TRIM23: variants seen among roughly 807,000 people sequenced by gnomAD.
TRIM23 encodes E3 ubiquitin-protein ligase TRIM23.
A neutral mutation model predicts 71.0 loss-of-function variants in TRIM23; 27 were observed. The observed-to-expected ratio is 0.38, with a 90% CI of 0.28 to 0.52. The LOEUF is 0.52. TRIM23 is among the 20% of genes least tolerant of loss of function. The pLI is 0.84. For synonymous variants in TRIM23, 234 were observed against 238.0 expected (o/e 0.98, Z 0.16); for missense variants, 482 against 692.3 (o/e 0.70, Z 3.41).
chr5:65,594,633 A>G lies in TRIM23; in HGVS notation c.1433T>C (p.Val478Ala). The change falls in exon 10 of 11, where the codon GTT (valine) becomes GCT (alanine). Residue 478 changes from valine to alanine, a missense_variant. Physicochemically the swap from Val to Ala is moderately conservative, Grantham distance 64. Around this residue, in one of 2 missense-constraint regions of TRIM23, gnomAD observed 307 missense variants for 495.8 expected, o/e 0.62. Transcript: ENST00000231524. The stretch of plus-strand genomic sequence containing the variant: ...TCTGTCTCTATGACTGCTATCTACA[A>G]CAAACACAACAGCTACCCAAAAAAA... ...YYLNTQAVVFVVDSSHRDRIS... is the reference protein window; with the variant it reads ...YYLNTQAVVFAVDSSHRDRIS... The G allele has an allele frequency of 6.3e-7, 1 of 1,577,960 alleles. No individual in the cohort carries two copies. The highest frequency in any genetic ancestry group is 1.2e-5 in the South Asian group (1 of 84,346).
rs550272794 is a variant in TRIM23 at position 65,596,932 on chromosome 5, A to C, written c.1309+119T>G. Reference sequence around the variant, plus strand: ...CTTGCATTTTTTCTCTGAGATGCTGATATCTTAGAGCCAGAAAAGAGCCCA... The same window carrying C: ...CTTGCATTTTTTCTCTGAGATGCTGCTATCTTAGAGCCAGAAAAGAGCCCA... On this transcript the variant is annotated intron_variant, in intron 8 of 10. Coordinates refer to ENST00000231524, the MANE Select transcript of TRIM23 (RefSeq NM_001656.4). The C allele has an allele frequency of 3.2e-6, 4 of 1,263,800 alleles. No homozygotes were observed. In the South Asian group the frequency reaches 6.3e-5, roughly 20 times the overall value. 78.3% of individuals were successfully genotyped at this position (1,263,800 alleles called of 1,614,324 possible).
chr5:65,617,390 T>C (rs2150641768), intron 2 of TRIM23, among the ~76,000 whole-genome samples: 1 of 152,246 alleles, frequency 6.6e-6, no homozygotes, highest in South Asian at 2.1e-4. Context: ...TCTTAGATAG[T>C]GCAACTGACC....
Position 65,591,089 on chromosome 5 carries a change from C to T in TRIM23, c.*680G>A. The stretch of plus-strand genomic sequence containing the variant: ...AGTTTTATTACTGTTCAGTTTATTA[C>T]TAACCTGACAAGCCTAATTGGGTAA... On this transcript the variant is annotated 3_prime_UTR_variant, in exon 11 of 11. Coordinates refer to ENST00000231524, the MANE Select transcript of TRIM23 (RefSeq NM_001656.4). The T allele has an allele frequency of 1.2e-5, 12 of 1,015,298 alleles. No individual in the cohort carries two copies. The highest frequency in any genetic ancestry group is 1.4e-5 in the Non-Finnish European group (12 of 849,914). 62.9% of individuals were successfully genotyped at this position (1,015,298 alleles called of 1,614,324 possible). A position where few individuals can be genotyped will look rare whatever the true frequency, so the allele number is the denominator to read the frequency against.
rs149733575 is a variant in TRIM23 at position 65,593,350 on chromosome 5, G to A, written c.1545+1171C>T. Among the ~76,000 whole-genome samples the A allele has an allele frequency of 3.7e-3, 564 of 152,196 alleles. 3 individuals carry two copies. Among genetic ancestry groups the A allele is most frequent in the African/African-American group, 0.013 (530 of 41,536 alleles). On this transcript the variant is annotated intron_variant, in intron 10 of 10. Coordinates refer to ENST00000231524, the MANE Select transcript of TRIM23 (RefSeq NM_001656.4). ...CTTGGGAGGCTGAGGCAGAAGAATC[G>A]CTTGAACCTAGGAGGGGGAGGTTGC...
rs1196401449 is a variant in TRIM23 at position 65,591,640 on chromosome 5, TTCCTTTATATATATATATATATATATGCA to T, written c.*100_*128del. On this transcript the variant is annotated 3_prime_UTR_variant, in exon 11 of 11. Transcript: ENST00000231524. Reference sequence around the variant, plus strand: ...AAAGTACTGAATTCCCAATCCAAGATTCCTTTATATATATATATATATATATGCATCCTAAATTACCATCTTTTGAGATG... The same window carrying T: ...AAAGTACTGAATTCCCAATCCAAGATTCCTAAATTACCATCTTTTGAGATG... 13 of 1,005,542 alleles carry T rather than the reference TTCCTTTATATATATATATATATATATGCA, an allele frequency of 1.3e-5. No individual in the cohort carries two copies. The highest frequency in any genetic ancestry group is 1.5e-5 in the Non-Finnish European group (12 of 778,772). 62.3% of individuals were successfully genotyped at this position (1,005,542 alleles called of 1,614,324 possible). A position where few individuals can be genotyped will look rare whatever the true frequency, so the allele number is the denominator to read the frequency against.
intron 7 of TRIM23, among the ~76,000 whole-genome samples, chr5:65,598,596 A>G (rs1239434484): frequency 6.6e-6 from 1 of 152,190 alleles, no homozygotes; most frequent in East Asian, 1.9e-4. Flanking sequence ...CTAAAAATAC[A>G]AAATTACCCA....
chr5:65,615,694 A>G (rs1754760309), intron 2 of TRIM23, among the ~76,000 whole-genome samples: 1 of 152,230 alleles, frequency 6.6e-6, no homozygotes, highest in African/African-American at 2.4e-5. Flanking sequence ...ACACTAAGTG[A>G]TCATTTAAAA....
At position 65,591,836 on chromosome 5, in the gene TRIM23, C is replaced by G. The variant is rs1561738849; in HGVS notation, c.1658G>C (p.Gly553Ala). The G allele has an allele frequency of 6.2e-7, 1 of 1,614,062 alleles. No homozygotes were observed. ...GAGCCAGTCCAACCCTTCATACAGT[C>G]CCATACCACTTCGAGCATCACAGCC... is the stretch of plus-strand genomic sequence containing the variant. ...IQGCDARSGM[G>A]LYEGLDWLSR... The change falls in exon 11 of 11, where the codon GGA becomes GCA. Residue 553 changes from glycine to alanine, a missense_variant. By Grantham distance (60) the Gly-to-Ala change is moderately conservative (BLOSUM62 0). Around this residue, in one of 2 missense-constraint regions of TRIM23, gnomAD observed 307 missense variants for 495.8 expected, o/e 0.62. Transcript: ENST00000231524.
Position 65,594,515 on chromosome 5 carries a change from C to T in TRIM23, c.1545+6G>A, listed in dbSNP as rs1025096030. 1.3e-6 allele frequency: 2 copies of T among 1,598,228 alleles called. No homozygotes were observed. Among genetic ancestry groups the T allele is most frequent in the African/African-American group, 2.7e-5 (2 of 73,760 alleles). ...AAATAAATATTCCAATATAAAAATG[C>T]ATTACCTGTTTGTTAGCAAAAATCA... is the stretch of plus-strand genomic sequence containing the variant. On this transcript the variant is annotated splice_donor_region_variant and intron_variant, in intron 10 of 10. Transcript: ENST00000231524.
intron 1 of TRIM23, among the ~76,000 whole-genome samples, chr5:65,619,690 T>C (rs1485554110): frequency 1.3e-5 from 2 of 152,078 alleles, no homozygotes; most frequent in Admixed American, 6.6e-5. Context: ...TTTGGGAAGA[T>C]AAAAATGAAT....
At chr5:65,617,142 C>T (rs1676009652) in intron 2 of TRIM23, among the ~76,000 whole-genome samples, 1 of 152,192 alleles carries the variant, frequency 6.6e-6, no homozygotes, top group Non-Finnish European at 1.5e-5. Flanking sequence ...TAAGTTAATG[C>T]TATCTATAAT....
chr5:65,618,041 T>C (rs1754818623), intron 2 of TRIM23, 52 bp downstream of exon 2: 2 of 1,486,778 alleles, frequency 1.3e-6, no homozygotes, highest in Admixed American at 2.3e-5. Context: ...CTATGACATT[T>C]GCATTACATG....
chr5:65,612,266 TTTAAATA>T (rs1265942818), intron 3 of TRIM23, among the ~76,000 whole-genome samples: 1 of 152,170 alleles, frequency 6.6e-6, no homozygotes, highest in Non-Finnish European at 1.5e-5. Context: ...TCCCCATAGC[TTTAAATA>T]TTAGTTGTCA....
chr5:65,594,665 A>G lies in TRIM23; in HGVS notation c.1421-20T>C. On this transcript the variant is annotated intron_variant, in intron 9 of 10. Coordinates refer to ENST00000231524, the MANE Select transcript of TRIM23 (RefSeq NM_001656.4). Reference sequence around the variant, plus strand: ...CAACAGCTACCCAAAAAAAAATAAAAAAAACAAAAATAGTCACTTGCTAAA... The same window carrying G: ...CAACAGCTACCCAAAAAAAAATAAAGAAAACAAAAATAGTCACTTGCTAAA... 1.3e-6 allele frequency: 2 copies of G among 1,537,566 alleles called. No homozygotes were observed. Among genetic ancestry groups the G allele is most frequent in the South Asian group, 2.5e-5 (2 of 80,530 alleles).
intron 7 of TRIM23, among the ~76,000 whole-genome samples, chr5:65,598,721 C>A (rs1440940800): frequency 6.7e-6 from 1 of 150,090 alleles, no homozygotes; most frequent in East Asian, 1.9e-4. Context: ...GCACTCCAGC[C>A]TGGGCAACAA....
At chr5:65,623,005 T>C (rs1019860607) in intron 1 of TRIM23, among the ~76,000 whole-genome samples, 10 of 152,224 alleles carry the variant, frequency 6.6e-5, no homozygotes, top group African/African-American at 2.2e-4. Flanking sequence ...ACATGCCTAA[T>C]AATGAGGGCT....
Position 65,608,777 on chromosome 5 carries a change from T to C in TRIM23, c.1044+466A>G, listed in dbSNP as rs542729917. Among the ~76,000 whole-genome samples, 3 of 152,084 alleles carry C rather than the reference T, an allele frequency of 2.0e-5. No homozygotes were observed. The East Asian group carries it at 5.8e-4, about 29-fold the overall frequency. ...ACAAAACATACGTTTGCTCTAACAGTGAAGAACCACTGAATTATAGCAGAC... is the reference window on the plus strand; with the variant it reads ...ACAAAACATACGTTTGCTCTAACAGCGAAGAACCACTGAATTATAGCAGAC... On this transcript the variant is annotated intron_variant, in intron 6 of 10. Transcript: ENST00000231524.
At chr5:65,599,264 T>C (rs1319220260) in intron 7 of TRIM23, among the ~76,000 whole-genome samples, 1 of 152,072 alleles carries the variant, frequency 6.6e-6, no homozygotes, top group Non-Finnish European at 1.5e-5. Flanking sequence ...TATACATTAA[T>C]GATAAAAATC....
intron 2 of TRIM23, among the ~76,000 whole-genome samples, chr5:65,617,187 CTATT>C (rs1754799073): frequency 6.6e-6 from 1 of 151,736 alleles, no homozygotes; most frequent in Admixed American, 6.6e-5. Context: ...GGCAAATAGA[CTATT>C]TATATACATC....
Sources: allele counts gnomAD v4.1 joint callset (sites outside exome capture counted in the v4.1 genomes callset), GRCh38; gene constraint gnomAD v4.1.1; regional missense constraint gnomAD v4.1.1; transcripts MANE v1.5; gene names NCBI Gene and HGNC (gene_info 2026-07-23, HGNC 2026-07-21).